Variants in KIAA1217 observed in about 807,000 individuals in gnomAD.
KIAA1217 encodes the protein KIAA1217, also known as sickle tail protein homolog.
In KIAA1217, 88 loss-of-function variants were observed where a neutral mutation model predicts 163.9. That is an observed-to-expected ratio of 0.54 (90% confidence interval 0.45 to 0.64). The LOEUF (loss-of-function observed/expected upper bound fraction) is 0.64. Ranked by LOEUF, KIAA1217 falls within the 30% of genes least tolerant of loss-of-function variation. KIAA1217 has a pLI of 0.00. For missense variants in KIAA1217, 2,372 were observed against 2,475.0 expected (o/e 0.96, Z 0.88); for synonymous variants, 903 against 923.1 (o/e 0.98, Z 0.39).
intron 2 of KIAA1217, among the ~76,000 whole-genome samples, chr10:24,234,617 C>T (rs892371158): frequency 1.3e-4 from 19 of 148,824 alleles, no homozygotes; most frequent in African/African-American, 4.7e-4. Context: ...CGAGATCATG[C>T]CGCTGCACTC....
chr10:23,794,623 A>G (rs1435193285), intron 1 of KIAA1217, among the ~76,000 whole-genome samples: 2 of 152,236 alleles, frequency 1.3e-5, no homozygotes, highest in African/African-American at 2.4e-5. Context: ...TCATCCTGTC[A>G]GATTTCAGAA....
chr10:23,795,437 G>A (rs1453454936), intron 1 of KIAA1217, among the ~76,000 whole-genome samples: 1 of 152,196 alleles, frequency 6.6e-6, no homozygotes, highest in East Asian at 1.9e-4. Context: ...AGGGCACAAA[G>A]CAAAGAAAAT....
At chr10:24,345,538 C>T (rs138806163) in intron 2 of KIAA1217, among the ~76,000 whole-genome samples, 70 of 152,244 alleles carry the variant, frequency 4.6e-4, no homozygotes, top group African/African-American at 1.5e-3. Flanking sequence ...ATCTTCAGTC[C>T]GACTTGATTG....
In KIAA1217 at chr10:24,432,901, G is replaced by A. The variant is rs556978289; in HGVS notation, c.554-94G>A. 573 of 923,662 alleles carry A rather than the reference G, an allele frequency of 6.2e-4. 6 individuals carry two copies. In the South Asian group the frequency reaches 7.6e-3, roughly 12 times the overall value. The allele number at this position is 923,662 out of a possible 1,614,324, so 57.2% of individuals were successfully genotyped here. ...CATGCTTGCCAAGCTTGTCCTGAAC[G>A]TTCCTAAGTGCAGCAGGAAAGAAGT... On this transcript the variant is annotated intron_variant, in intron 3 of 20. Transcript: ENST00000376454.
intron 2 of KIAA1217, chr10:24,158,770 G>A (rs2064990425): frequency 1.4e-5 from 7 of 485,906 alleles, no homozygotes; most frequent in South Asian, 6.5e-5. Context: ...CCAAAGCAAT[G>A]GAGTACATGT....
At chr10:24,532,072 T>C (rs1289723827) in intron 15 of KIAA1217, 79 bp downstream of exon 15, 1 of 1,286,008 alleles carries the variant, frequency 7.8e-7, no homozygotes, top group South Asian at 2.6e-5. Context: ...TGTTGGAACA[T>C]AAAAAGTAGT....
intron 3 of KIAA1217, among the ~76,000 whole-genome samples, chr10:24,385,756 G>A (rs966744604): frequency 6.6e-6 from 1 of 152,168 alleles, no homozygotes; most frequent in Admixed American, 6.6e-5. Context: ...TCTCTTCAGT[G>A]AAAATAGAGA....
intron 6 of KIAA1217, among the ~76,000 whole-genome samples, chr10:24,492,155 G>A (rs1030354858): frequency 3.3e-5 from 5 of 152,188 alleles, no homozygotes; most frequent in African/African-American, 9.7e-5. Flanking sequence ...TTTCCCAAGA[G>A]TGTGTGCAAG....
intron 2 of KIAA1217, among the ~76,000 whole-genome samples, chr10:24,118,327 T>G (rs1310203160): frequency 3.9e-5 from 6 of 152,092 alleles, no homozygotes; most frequent in Non-Finnish European, 8.8e-5. Context: ...GTGGAGTTAT[T>G]GCAGGATGAC....
intron 2 of KIAA1217, among the ~76,000 whole-genome samples, chr10:24,352,412 C>G (rs2048562864): frequency 6.6e-6 from 1 of 152,180 alleles, no homozygotes; most frequent in South Asian, 2.1e-4. Flanking sequence ...ACTTAAAAAC[C>G]TTCCTTTGCC....
chr10:24,123,981 G>A (rs988405323), intron 2 of KIAA1217, among the ~76,000 whole-genome samples: 22 of 152,138 alleles, frequency 1.4e-4, no homozygotes, highest in Admixed American at 1.1e-3. Flanking sequence ...TGCAAATATC[G>A]ACCCCCAGTC....
At chr10:24,347,847 A>G (rs1446171210) in intron 2 of KIAA1217, among the ~76,000 whole-genome samples, 1 of 152,244 alleles carries the variant, frequency 6.6e-6, no homozygotes. Context: ...ACAATTTCAT[A>G]TACAAATACA....
intron 20 of KIAA1217, 142 bp downstream of exon 20, chr10:24,545,245 C>G: frequency 6.9e-7 from 1 of 1,439,928 alleles, no homozygotes; most frequent in Non-Finnish European, 9.2e-7. Context: ...TGAAGAAAGT[C>G]TAAATAAACC....
intron 14 of KIAA1217, among the ~76,000 whole-genome samples, chr10:24,530,408 G>T (rs994243335): frequency 3.3e-5 from 5 of 152,142 alleles, no homozygotes; most frequent in African/African-American, 1.2e-4. Context: ...CCAGAGATGT[G>T]TAAAGGTAGC....
chr10:23,854,851 GT>G (rs1390314022), intron 1 of KIAA1217, among the ~76,000 whole-genome samples: 2 of 151,658 alleles, frequency 1.3e-5, no homozygotes, highest in Non-Finnish European at 2.9e-5. Flanking sequence ...GCCTTTTTTT[GT>G]TTTCCATTTG....
At chr10:24,431,515 C>T (rs3762085) in intron 3 of KIAA1217, among the ~76,000 whole-genome samples, 60,993 of 151,876 alleles carry the variant, frequency 0.4, 12,585 homozygotes, top group African/African-American at 0.51. Flanking sequence ...ACTCCCAAGA[C>T]GGCTCATCCA....
chr10:24,081,737 T>C (rs1399253648), intron 2 of KIAA1217, among the ~76,000 whole-genome samples: 1 of 152,142 alleles, frequency 6.6e-6, no homozygotes, highest in Non-Finnish European at 1.5e-5. Flanking sequence ...AATCTCATAA[T>C]GTGTGAAGAA....
At chr10:23,966,582 A>G (rs934700760) in intron 1 of KIAA1217, among the ~76,000 whole-genome samples, 10 of 152,228 alleles carry the variant, frequency 6.6e-5, no homozygotes, top group Non-Finnish European at 1.3e-4. Flanking sequence ...GCTATGAAGC[A>G]GATGTATGAA....
chr10:24,077,797 T>C (rs557539289), intron 2 of KIAA1217, among the ~76,000 whole-genome samples: 124 of 152,326 alleles, frequency 8.1e-4, no homozygotes, highest in African/African-American at 2.1e-3. Context: ...ATAATTGATA[T>C]TCCCATCAAC....
Sources: allele counts gnomAD v4.1 joint callset (sites outside exome capture counted in the v4.1 genomes callset), GRCh38; gene constraint gnomAD v4.1.1; transcripts MANE v1.5; gene names NCBI Gene and HGNC (gene_info 2026-07-23, HGNC 2026-07-21).